Variants in LTBR observed in about 807,000 individuals in gnomAD.
The protein encoded by LTBR is tumor necrosis factor receptor superfamily member 3.
Under a neutral mutation model 45.4 loss-of-function variants are expected in LTBR, and 15 were observed. That is an observed-to-expected ratio of 0.33 (90% CI 0.22 to 0.51). LTBR has a LOEUF of 0.51. Among genes scored for constraint, LTBR ranks in the 20% least tolerant of loss-of-function variants. The pLI is 0.97. For missense variants in LTBR, 450 were observed against 565.5 expected, an observed-to-expected ratio of 0.80 and a Z score of 2.07; for synonymous variants, 228 against 231.0, an observed-to-expected ratio of 0.99 and a Z score of 0.12.
chr12:6,380,635 A>G (rs1948973917), upstream of LTBR, among the ~76,000 whole-genome samples: 1 of 151,302 alleles, frequency 6.6e-6, no homozygotes, highest in Non-Finnish European at 1.5e-5. Flanking sequence ...GGTTGCAGTG[A>G]GCTGAGATTG....
Position 6,386,197 on chromosome 12 carries a change from C to G in LTBR, c.569+35C>G. 6.4e-7 allele frequency: 1 copy of G among 1,574,146 alleles called. No individual in the cohort carries two copies. The highest frequency in any genetic ancestry group is 8.7e-7 in the Non-Finnish European group (1 of 1,144,402). On this transcript the variant is annotated intron_variant, in intron 5 of 9. Transcript: ENST00000228918. The surrounding 1 kb of genome is among the most constrained non-coding windows in gnomAD (Gnocchi z 4.1). ...GCCCCACCCAAGCTCCTTCCACCCT[C>G]TGAGAAGCCTCAGCTGCTAACAACC...
intron 2 of LTBR, 25 bp downstream of exon 2, chr12:6,384,709 C>CGGAAG (rs2136927569): frequency 1.2e-6 from 2 of 1,608,264 alleles, no homozygotes; most frequent in East Asian, 4.5e-5. Context: ...CAGGACGAAC[C>CGGAAG]TGGGCCTCGG....
At position 6,386,554 on chromosome 12, in the gene LTBR, G is replaced by A. The variant is rs796938345; in HGVS notation, c.667+110G>A. The A allele has an allele frequency of 2.4e-6, 2 of 845,620 alleles. No homozygotes were observed. The highest frequency in any genetic ancestry group is 1.6e-5 in the South Asian group (1 of 61,222). The allele number at this position is 845,620 out of a possible 1,614,324, so 52.4% of individuals were successfully genotyped here. On this transcript the variant is annotated intron_variant, in intron 6 of 9. Coordinates refer to ENST00000228918, the MANE Select transcript of LTBR (RefSeq NM_002342.3). This position sits in a 1 kb window ranked among gnomAD's most constrained non-coding sequence, Gnocchi z 4.1. ...ATGAACACTTCCCTCCCAGAATTGG[G>A]CAAGAAGAAAGTTCCTTACAGAAAA... is the stretch of plus-strand genomic sequence containing the variant.
intron 2 of LTBR, 105 bp from the exon 3 acceptor site, chr12:6,384,917 G>C: frequency 4.1e-6 from 6 of 1,461,230 alleles, no homozygotes; most frequent in Non-Finnish European, 5.7e-6. Flanking sequence ...GCAGGATGAT[G>C]GGGGGCCAGA....
intron 1 of LTBR, chr12:6,375,797 C>A (rs1159731041): frequency 2.4e-5 from 33 of 1,380,720 alleles, no homozygotes; most frequent in Non-Finnish European, 3.1e-5. Flanking sequence ...TAGAAGGATC[C>A]TGAGCCCACA....
upstream of LTBR, among the ~76,000 whole-genome samples, chr12:6,379,817 C>T (rs1224240831): frequency 2.0e-5 from 3 of 151,762 alleles, no homozygotes; most frequent in African/African-American, 4.8e-5. Context: ...CCTGTAGTCC[C>T]AGCTACTCGG....
chr12:6,375,402 G>A, upstream of LTBR: 1 of 1,503,358 alleles, frequency 6.7e-7, no homozygotes, highest in African/African-American at 1.4e-5. Flanking sequence ...CAGGGCTCCA[G>A]GAGGTCTGGG....
At position 6,388,751 on chromosome 12, in the gene LTBR, G is replaced by A; in HGVS notation, c.776-49G>A. Reference sequence around the variant, plus strand: ...CTGGGATGTGGAGGCTGAAAGGCTAGGTCTGAGGCCTGCCGGGGAGCCTAC... The same window carrying A: ...CTGGGATGTGGAGGCTGAAAGGCTAAGTCTGAGGCCTGCCGGGGAGCCTAC... On this transcript the variant is annotated intron_variant, in intron 7 of 9. Transcript: ENST00000228918. This position sits in a 1 kb window ranked among gnomAD's most constrained non-coding sequence, Gnocchi z 4.3. 4 of 1,613,236 alleles carry A rather than the reference G, an allele frequency of 2.5e-6. No homozygotes were observed. The highest frequency in any genetic ancestry group is 3.4e-6 in the Non-Finnish European group (4 of 1,179,424).
chr12:6,390,515 A>G (rs920090099), intron 9 of LTBR, 145 bp from the exon 10 acceptor site: 26 of 1,033,234 alleles, frequency 2.5e-5, no homozygotes, highest in Non-Finnish European at 3.7e-5. Flanking sequence ...AGAAGCAGAG[A>G]AATGAACACA....
At chr12:6,377,071 G>A in intron 1 of LTBR, 1 of 553,040 alleles carries the variant, frequency 1.8e-6, no homozygotes, top group African/African-American at 1.9e-5. Flanking sequence ...TCCCAGAGAA[G>A]GTGTCATCTC....
chr12:6,388,434 CCTT>C lies in LTBR; in HGVS notation c.708_710del (p.Phe237del), dbSNP rs766785786. The C allele has an allele frequency of 2.7e-5, 43 of 1,614,038 alleles. No individual in the cohort carries two copies. Among genetic ancestry groups the C allele is most frequent in the Non-Finnish European group, 3.4e-5 (40 of 1,180,016 alleles). On this transcript the variant is annotated inframe_deletion, in exon 7 of 10. Transcript: ENST00000228918. The surrounding 1 kb of genome is among the most constrained non-coding windows in gnomAD (Gnocchi z 4.3). ...ATGCTGGCCGTTCTGCTGCCACTGGCCTTCTTTCTGCTCCTTGCCACCGTCTTC... is the reference window on the plus strand; with the variant it reads ...ATGCTGGCCGTTCTGCTGCCACTGGCCTTTCTGCTCCTTGCCACCGTCTTC...
Position 6,388,742 on chromosome 12 carries a change from G to A in LTBR, c.776-58G>A, listed in dbSNP as rs545686851. The stretch of plus-strand genomic sequence containing the variant: ...CACATTGTGCTGGGATGTGGAGGCT[G>A]AAAGGCTAGGTCTGAGGCCTGCCGG... On this transcript the variant is annotated intron_variant, in intron 7 of 9. Transcript: ENST00000228918. The surrounding 1 kb of genome is among the most constrained non-coding windows in gnomAD (Gnocchi z 4.3). The A allele has an allele frequency of 2.5e-6, 4 of 1,610,866 alleles. No individual in the cohort carries two copies. In the South Asian group the frequency reaches 4.4e-5, roughly 18 times the overall value.
chr12:6,383,404 G>C (rs1034597490), upstream of LTBR, among the ~76,000 whole-genome samples: 2 of 152,168 alleles, frequency 1.3e-5, no homozygotes, highest in Non-Finnish European at 2.9e-5. Context: ...AGGTGAGGGG[G>C]CTGGACTGCG....
chr12:6,388,694 GC>G lies in LTBR; in HGVS notation c.776-101del. 6 of 1,394,854 alleles carry G rather than the reference GC, an allele frequency of 4.3e-6. No individual in the cohort carries two copies. Among genetic ancestry groups the G allele is most frequent in the Non-Finnish European group, 5.1e-6 (5 of 987,206 alleles). The allele number at this position is 1,394,854 out of a possible 1,614,324, so 86.4% of individuals were successfully genotyped here. A position where few individuals can be genotyped will look rare whatever the true frequency, so the allele number is the denominator to read the frequency against. ...GAGTGACAGTGGCTTGTTCCTCTGG[GC>G]CCCCGGGTGGTCAAGTTGCTACACA... is the stretch of plus-strand genomic sequence containing the variant. On this transcript the variant is annotated intron_variant, in intron 7 of 9. Transcript: ENST00000228918. This position sits in a 1 kb window ranked among gnomAD's most constrained non-coding sequence, Gnocchi z 4.3.
In LTBR at chr12:6,385,380, G is replaced by T; in HGVS notation, c.472+1G>T. On this transcript the variant is annotated splice_donor_variant, in intron 4 of 9. Transcript: ENST00000228918. LOFTEE classifies it high-confidence loss of function. ...CCTGGCACTGAAGCCGAGCTCAAAG[G>T]TCAGAGGTCCCTGAGGGGCTGGATG... 1 of 1,614,028 alleles carries T rather than the reference G, an allele frequency of 6.2e-7. No individual in the cohort carries two copies. Among genetic ancestry groups the T allele is most frequent in the Non-Finnish European group, 8.5e-7 (1 of 1,180,004 alleles).
intron 1 of LTBR, 37 bp downstream of exon 1, chr12:6,384,491 G>T: frequency 6.3e-7 from 1 of 1,584,288 alleles, no homozygotes; most frequent in Non-Finnish European, 8.6e-7. Flanking sequence ...GCGAGGGTGG[G>T]CAAGAGGGAT....
upstream of LTBR, among the ~76,000 whole-genome samples, chr12:6,382,298 G>A (rs2136924661): frequency 6.6e-6 from 1 of 152,124 alleles, no homozygotes; most frequent in Non-Finnish European, 1.5e-5. Context: ...GCGTTGGTGG[G>A]GGAGGGGGTA....
chr12:6,390,723 A>G lies in LTBR; in HGVS notation c.1094A>G (p.Asn365Ser), dbSNP rs1949103583. The G allele has an allele frequency of 6.6e-7, 1 of 1,511,720 alleles. No individual in the cohort carries two copies. Among genetic ancestry groups the G allele is most frequent in the Admixed American group, 2.3e-5 (1 of 44,288 alleles). The allele number at this position is 1,511,720 out of a possible 1,614,324, so 93.6% of individuals were successfully genotyped here. ...ATCACTGGCAACATCTACATCTACA[A>G]TGGACCAGTACTGGGGGGACCACCG... ...MTITGNIYIY[N>S]GPVLGGPPGP... The change falls in exon 10 of 10, where the codon AAT becomes AGT. Residue 365 changes from asparagine (N) to serine (S), a missense_variant. By Grantham distance (46) the Asn-to-Ser change is conservative (BLOSUM62 1). This residue lies in a region of LTBR where 12 missense variants were observed against 39.7 expected (regional missense o/e 0.30). Coordinates refer to ENST00000228918, the MANE Select transcript of LTBR (RefSeq NM_002342.3).
At chr12:6,387,167 T>C (rs1435217522) in intron 6 of LTBR, 1 of 152,198 alleles carries the variant, frequency 6.6e-6, no homozygotes, top group African/African-American at 2.4e-5. Flanking sequence ...GCATGCACTA[T>C]AGAAAATTAG....
Sources: allele counts gnomAD v4.1 joint callset (sites outside exome capture counted in the v4.1 genomes callset), GRCh38; gene constraint gnomAD v4.1.1; regional missense constraint gnomAD v4.1.1; non-coding constraint Gnocchi (gnomAD v3.1); transcripts MANE v1.5; gene names NCBI Gene and HGNC (gene_info 2026-07-23, HGNC 2026-07-21).